LMO7: variants seen among roughly 807,000 people sequenced by gnomAD.
The protein encoded by LMO7 is LIM domain only protein 7.
In LMO7, 120 loss-of-function variants were observed where a neutral mutation model predicts 206.5. The observed-to-expected ratio is 0.58, with a 90% confidence interval of 0.50 to 0.68. The LOEUF (loss-of-function observed/expected upper bound fraction) is 0.68, where lower values mean the gene tolerates loss of function less well. Ranked by LOEUF, LMO7 falls within the 30% of genes least tolerant of loss-of-function variation. The pLI is 0.00. For synonymous variants in LMO7, 706 were observed against 681.5 expected (o/e 1.04, Z -0.56); for missense variants, 1,959 against 1,957.9 (o/e 1.00, Z -0.01).
upstream of LMO7, among the ~76,000 whole-genome samples, chr13:75,633,402 G>GC (rs1200523205): frequency 1.4e-4 from 21 of 152,292 alleles, no homozygotes; most frequent in Non-Finnish European, 2.4e-4. Context: ...ACAAAAATGA[G>GC]CCTAACAAAC....
At chr13:75,796,912 C>T (rs1381744527) in intron 6 of LMO7, among the ~76,000 whole-genome samples, 163 bp downstream of exon 6, 3 of 152,192 alleles carry the variant, frequency 2.0e-5, no homozygotes, top group Admixed American at 6.5e-5. Flanking sequence ...GAATGTTACT[C>T]ATTTACTGGC....
chr13:75,637,750 A>G (rs972526074), intron 1 of LMO7, among the ~76,000 whole-genome samples: 2 of 152,270 alleles, frequency 1.3e-5, no homozygotes, highest in Admixed American at 1.3e-4. Flanking sequence ...TTCCTTAAAG[A>G]AATACATGTA....
chr13:75,725,951 T>C, intron 2 of LMO7, among the ~76,000 whole-genome samples: 1 of 152,110 alleles, frequency 6.6e-6, no homozygotes, highest in African/African-American at 2.4e-5. Flanking sequence ...ATATAAGTCT[T>C]TGGAATGTTG....
chr13:75,805,214 C>A, intron 8 of LMO7: 2 of 1,225,970 alleles, frequency 1.6e-6, no homozygotes, highest in Non-Finnish European at 2.1e-6. Flanking sequence ...CAGAAAGTAA[C>A]ACCCCAAATT....
At chr13:75,848,035 T>C (rs1160302972) in intron 26 of LMO7, among the ~76,000 whole-genome samples, 1 of 152,226 alleles carries the variant, frequency 6.6e-6, no homozygotes, top group Non-Finnish European at 1.5e-5. Context: ...ATCTCTCCTC[T>C]GTCATTTTGT....
intron 6 of LMO7, 44 bp from the exon 7 acceptor site, chr13:75,800,640 G>A (rs770009993): frequency 6.5e-7 from 1 of 1,541,642 alleles, no homozygotes; most frequent in South Asian, 1.1e-5. Flanking sequence ...ATATTTTTTG[G>A]AAGTTTATTT....
chr13:75,771,572 T>TTAAAAACAGAATTTTTAAAGACTA, intron 4 of LMO7, among the ~76,000 whole-genome samples: 1 of 152,218 alleles, frequency 6.6e-6, no homozygotes, highest in Non-Finnish European at 1.5e-5. Flanking sequence ...TTTAAAGACT[T>TTAAAAACAGAATTTTTAAAGACTA]TAAAAACAGA....
chr13:75,760,378 A>C, intron 3 of LMO7: 2 of 1,055,952 alleles, frequency 1.9e-6, no homozygotes, highest in Non-Finnish European at 2.3e-6. Flanking sequence ...GTCCTATAGT[A>C]TGGTTTCCCT....
At chr13:75,840,344 A>C (rs1417915538) in intron 21 of LMO7, 47 bp from the exon 22 acceptor site, 5 of 1,604,918 alleles carry the variant, frequency 3.1e-6, no homozygotes, top group Non-Finnish European at 3.4e-6. Flanking sequence ...TGACTTAATG[A>C]AGTTATGTTG....
chr13:75,777,575 C>T (rs990372918), intron 4 of LMO7, among the ~76,000 whole-genome samples: 21 of 151,702 alleles, frequency 1.4e-4, no homozygotes, highest in Non-Finnish European at 2.8e-4. Flanking sequence ...GCCTTAAATT[C>T]ATGTTCATTT....
intron 1 of LMO7, among the ~76,000 whole-genome samples, chr13:75,702,604 T>C (rs1396585645): frequency 1.3e-5 from 2 of 152,216 alleles, no homozygotes; most frequent in African/African-American, 4.8e-5. Flanking sequence ...AGGAATGTTA[T>C]TTGCTGAATA....
intron 1 of LMO7, among the ~76,000 whole-genome samples, chr13:75,648,118 A>T (rs1213669009): frequency 6.6e-6 from 1 of 151,094 alleles, no homozygotes; most frequent in East Asian, 1.9e-4. Flanking sequence ...GTTAATTTTT[A>T]AAATTTTTTT....
chr13:75,728,627 T>G (rs2044736601), intron 3 of LMO7, among the ~76,000 whole-genome samples: 1 of 141,398 alleles, frequency 7.1e-6, no homozygotes, highest in East Asian at 2.0e-4. Context: ...CTCTTTAGTT[T>G]AATTAGATCC....
intron 3 of LMO7, among the ~76,000 whole-genome samples, chr13:75,757,274 C>T (rs576607146): frequency 2.0e-5 from 3 of 152,254 alleles, no homozygotes; most frequent in South Asian, 4.1e-4. Flanking sequence ...TGACTGTAGT[C>T]ATGGCTGACA....
intron 19 of LMO7, among the ~76,000 whole-genome samples, chr13:75,837,482 AAGTAATAATCAT>A (rs2059223706): frequency 2.0e-5 from 3 of 152,160 alleles, no homozygotes; most frequent in Admixed American, 2.0e-4. Flanking sequence ...AACTAGTATC[AAGTAATAATCAT>A]AGGTACATTT....
chr13:75,652,025 G>A (rs76308531), intron 1 of LMO7, among the ~76,000 whole-genome samples: 1,851 of 152,200 alleles, frequency 0.012, 43 homozygotes, highest in African/African-American at 0.042. Flanking sequence ...GATTGATAAT[G>A]TTCAATTGTA....
intron 1 of LMO7, among the ~76,000 whole-genome samples, chr13:75,638,268 C>CT (rs953915490): frequency 2.7e-5 from 4 of 150,882 alleles, no homozygotes; most frequent in Non-Finnish European, 4.4e-5. Context: ...ACACCCTTCC[C>CT]TTTTTTTTTA....
chr13:75,732,570 C>G (rs138932672), intron 3 of LMO7, among the ~76,000 whole-genome samples: 15 of 151,686 alleles, frequency 9.9e-5, no homozygotes, highest in Non-Finnish European at 2.2e-4. Context: ...TTTGGTTTGA[C>G]TTTCCTCCTG....
At chr13:75,796,894 G>A in intron 6 of LMO7, 145 bp downstream of exon 6, 1 of 605,698 alleles carries the variant, frequency 1.7e-6, no homozygotes, top group Non-Finnish European at 2.9e-6. Flanking sequence ...ATTGGGCTGA[G>A]TAAAGAGGAA....
Sources: allele counts gnomAD v4.1 joint callset (sites outside exome capture counted in the v4.1 genomes callset), GRCh38; gene constraint gnomAD v4.1.1; transcripts MANE v1.5; gene names NCBI Gene and HGNC (gene_info 2026-07-23, HGNC 2026-07-21).